CDH8: variants seen among roughly 807,000 people sequenced by gnomAD.
CDH8 encodes the protein cadherin-8.
CDH8 carries 17 observed loss-of-function variants against 68.1 expected under a neutral mutation model. The observed-to-expected ratio is 0.25, with a 90% CI of 0.17 to 0.37. The LOEUF (loss-of-function observed/expected upper bound fraction) is 0.37, where lower values mean the gene tolerates loss of function less well. Ranked by LOEUF, CDH8 falls within the 10% of genes least tolerant of loss-of-function variation. The pLI, the probability that CDH8 is intolerant of heterozygous loss-of-function variation, is 1.00. For synonymous variants in CDH8, 372 were observed against 365.1 expected (o/e 1.02, Z -0.21); for missense variants, 763 against 999.3 (o/e 0.76, Z 3.19).
rs76029040 is a variant in CDH8, at chr16:61,945,845, T to A, written c.253-44372A>T. On this transcript the variant is annotated intron_variant, in intron 2 of 11. Coordinates refer to ENST00000577390, the MANE Select transcript of CDH8 (RefSeq NM_001796.5). ...CTAACAGCTTTCTCAGGCACCGTGA[T>A]TTTTTTGTTTTGTTTTGTTTCTTTC... is the stretch of plus-strand genomic sequence containing the variant. 1.0e-3 allele frequency among the ~76,000 whole-genome samples: 157 copies of A among 152,298 alleles called. 3 individuals carry two copies. The highest frequency in any genetic ancestry group is 9.6e-3 in the East Asian group (50 of 5,186).
intron 10 of CDH8, chr16:61,692,968 T>C (rs949479151): frequency 1.3e-5 from 2 of 152,158 alleles, no homozygotes; most frequent in African/African-American, 4.8e-5. Flanking sequence ...GTGCCTACGA[T>C]AACATGACAA....
intron 2 of CDH8, among the ~76,000 whole-genome samples, chr16:61,993,069 G>A (rs1397233742): frequency 6.6e-6 from 1 of 152,134 alleles, no homozygotes; most frequent in East Asian, 1.9e-4. Flanking sequence ...ACAAGTGTGG[G>A]CCACTGTGCC....
chr16:61,815,244 C>T (rs931684289), intron 7 of CDH8, among the ~76,000 whole-genome samples: 1 of 152,114 alleles, frequency 6.6e-6, no homozygotes, highest in Admixed American at 6.6e-5. Flanking sequence ...TCTAAACAGC[C>T]TCAAGCTTCC....
At chr16:61,995,831 G>A (rs79184578) in intron 2 of CDH8, among the ~76,000 whole-genome samples, 2,874 of 152,200 alleles carry the variant, frequency 0.019, 87 homozygotes, top group African/African-American at 0.066. Flanking sequence ...AAGGATGAAG[G>A]AAAAATTGCT....
chr16:61,745,608 T>TG (rs1960002784), intron 8 of CDH8, among the ~76,000 whole-genome samples: 1 of 150,836 alleles, frequency 6.6e-6, no homozygotes, highest in Non-Finnish European at 1.5e-5. Flanking sequence ...TTTTTTTTTT[T>TG]CTATTCTAAA....
rs113963566 is a variant in CDH8 at position 62,030,693 on chromosome 16, T to C, written c.-200+5387A>G. ...AATATTGTTCTGACTGCAAATGAACTATAAATATACTGTAATATTTTCACT... is the reference window on the plus strand; with the variant it reads ...AATATTGTTCTGACTGCAAATGAACCATAAATATACTGTAATATTTTCACT... On this transcript the variant is annotated intron_variant, in intron 1 of 11. Transcript: ENST00000577390. Among the ~76,000 whole-genome samples the C allele has an allele frequency of 8.7e-3, 1,320 of 152,284 alleles. 18 individuals are homozygous for C. The highest frequency in any genetic ancestry group is 0.029 in the African/African-American group (1,226 of 41,566).
intron 2 of CDH8, among the ~76,000 whole-genome samples, chr16:61,915,722 A>G (rs1052320823): frequency 6.6e-6 from 1 of 152,202 alleles, no homozygotes; most frequent in African/African-American, 2.4e-5. Context: ...GTGACCTCTG[A>G]AAACCAGTAA....
intron 2 of CDH8, among the ~76,000 whole-genome samples, chr16:61,941,978 A>G (rs532593890): frequency 6.6e-6 from 1 of 152,236 alleles, no homozygotes; most frequent in Admixed American, 6.5e-5. Context: ...CATCTACCCA[A>G]TAAGTTCTCC....
intron 9 of CDH8, among the ~76,000 whole-genome samples, chr16:61,723,492 C>G (rs1005502326): frequency 4.0e-5 from 6 of 150,786 alleles, no homozygotes; most frequent in African/African-American, 1.5e-4. Flanking sequence ...TGAGATAGCT[C>G]CATTTCCCCT....
chr16:61,691,168 C>T (rs1964215494), intron 10 of CDH8, among the ~76,000 whole-genome samples: 1 of 152,084 alleles, frequency 6.6e-6, no homozygotes, highest in Non-Finnish European at 1.5e-5. Flanking sequence ...AACTGATTAT[C>T]AGAGTTCCTT....
chr16:61,980,261 A>C (rs1434885024), intron 2 of CDH8, among the ~76,000 whole-genome samples: 2 of 152,214 alleles, frequency 1.3e-5, no homozygotes, highest in Non-Finnish European at 2.9e-5. Context: ...GATTCCAAAT[A>C]TGGGACTACA....
chr16:61,872,382 T>C (rs1445712224), intron 3 of CDH8, among the ~76,000 whole-genome samples: 1 of 152,184 alleles, frequency 6.6e-6, no homozygotes, highest in Non-Finnish European at 1.5e-5. Context: ...AATCAATACA[T>C]GTAAAATTTA....
At chr16:61,874,986 A>G (rs1963435466) in intron 3 of CDH8, among the ~76,000 whole-genome samples, 1 of 152,200 alleles carries the variant, frequency 6.6e-6, no homozygotes, top group Non-Finnish European at 1.5e-5. Context: ...CATGAAACTT[A>G]CCATGACAGA....
At chr16:61,929,751 G>A (rs781446798) in intron 2 of CDH8, among the ~76,000 whole-genome samples, 1 of 152,020 alleles carries the variant, frequency 6.6e-6, no homozygotes, top group African/African-American at 2.4e-5. Context: ...TTAGCCACAC[G>A]TGGTGGCAAA....
chr16:61,700,464 A>T (rs138410607), intron 10 of CDH8, among the ~76,000 whole-genome samples: 147 of 152,016 alleles, frequency 9.7e-4, no homozygotes, highest in African/African-American at 3.2e-3. Flanking sequence ...TATTTTTAGT[A>T]GAGACAGGGT....
At chr16:61,661,390 A>T (rs973114144) in intron 10 of CDH8, among the ~76,000 whole-genome samples, 2 of 151,946 alleles carry the variant, frequency 1.3e-5, no homozygotes, top group Admixed American at 1.3e-4. Context: ...GAACTAATCC[A>T]AAGTAGGTTG....
In CDH8 at chr16:61,652,976, C is replaced by G; in HGVS notation, c.*632G>C. ...GCAAGCCCCACCCTGGAATGGATTA[C>G]GAACATGTGAATATTTTAAGGCTCG... On this transcript the variant is annotated 3_prime_UTR_variant, in exon 12 of 12. Coordinates refer to ENST00000577390, the MANE Select transcript of CDH8 (RefSeq NM_001796.5). 1 of 1,495,286 alleles carries G rather than the reference C, an allele frequency of 6.7e-7. No individual in the cohort carries two copies. Among genetic ancestry groups the G allele is most frequent in the Admixed American group, 2.2e-5 (1 of 44,518 alleles). 92.6% of individuals were successfully genotyped at this position (1,495,286 alleles called of 1,614,324 possible).
chr16:61,846,252 A>T (rs184235357), intron 4 of CDH8, among the ~76,000 whole-genome samples: 1 of 152,192 alleles, frequency 6.6e-6, no homozygotes, highest in East Asian at 1.9e-4. Context: ...TAAATTAATG[A>T]TCTCATTGCC....
chr16:61,946,968 C>T (rs1347120485), intron 2 of CDH8, among the ~76,000 whole-genome samples: 3 of 152,184 alleles, frequency 2.0e-5, no homozygotes, highest in African/African-American at 4.8e-5. Flanking sequence ...CAGAATCAAA[C>T]TGTGTGGTAA....
Sources: allele counts gnomAD v4.1 joint callset (sites outside exome capture counted in the v4.1 genomes callset), GRCh38; gene constraint gnomAD v4.1.1; transcripts MANE v1.5; gene names NCBI Gene and HGNC (gene_info 2026-07-23, HGNC 2026-07-21).